Variants in PSMA8 observed in about 807,000 individuals in gnomAD.
PSMA8 encodes the protein proteasome 20S subunit alpha 8, also known as proteasome subunit alpha-type 8.
In PSMA8, 18 loss-of-function variants were observed where a neutral mutation model predicts 32.4. The observed-to-expected ratio is 0.56, with a 90% CI of 0.38 to 0.82. The LOEUF is 0.82. PSMA8 is among the 40% of genes least tolerant of loss of function. The pLI, the probability that PSMA8 is intolerant of heterozygous loss-of-function variation, is 0.00. For missense variants in PSMA8, 298 were observed against 300.7 expected (o/e 0.99, Z 0.07); for synonymous variants, 104 against 98.1 (o/e 1.06, Z -0.36).
chr18:26,174,595 G>A (rs565012444), intron 4 of PSMA8, among the ~76,000 whole-genome samples: 1 of 152,282 alleles, frequency 6.6e-6, no homozygotes, highest in Admixed American at 6.5e-5. Context: ...AGACCCACCT[G>A]CATAGACTTA....
At chr18:26,163,213 GTATATATATATA>G (rs58945617) in intron 4 of PSMA8, among the ~76,000 whole-genome samples, 6,163 of 80,750 alleles carry the variant, frequency 0.076, 353 homozygotes, top group African/African-American at 0.1. Context: ...ATGTGTGTGT[GTATATATATATA>G]TATATATATA....
At chr18:26,143,191 G>A (rs567003626) in intron 1 of PSMA8, among the ~76,000 whole-genome samples, 121 of 152,138 alleles carry the variant, frequency 8.0e-4, no homozygotes, top group African/African-American at 2.7e-3. Context: ...GATTCCCACC[G>A]AAGGCCACTC....
intron 6 of PSMA8, among the ~76,000 whole-genome samples, chr18:26,188,536 G>A (rs2055375363): frequency 6.6e-6 from 1 of 152,030 alleles, no homozygotes; most frequent in African/African-American, 2.4e-5. Context: ...AAGAGCCAAA[G>A]CTGCCCTAAG....
intron 4 of PSMA8, among the ~76,000 whole-genome samples, chr18:26,166,020 T>G (rs1397694047): frequency 6.6e-6 from 1 of 152,048 alleles, no homozygotes; most frequent in Non-Finnish European, 1.5e-5. Context: ...GAGAATTGCT[T>G]GAACCCAGGA....
chr18:26,189,046 G>A (rs948615013), intron 6 of PSMA8, among the ~76,000 whole-genome samples: 1 of 152,098 alleles, frequency 6.6e-6, no homozygotes, highest in Non-Finnish European at 1.5e-5. Context: ...ACAAAGTGAG[G>A]TGACAGCCCA....
intron 4 of PSMA8, among the ~76,000 whole-genome samples, chr18:26,176,723 G>A (rs554422616): frequency 4.0e-5 from 6 of 151,882 alleles, no homozygotes; most frequent in East Asian, 1.9e-4. Context: ...ACCTGAAGTC[G>A]GGAGTTTGAG....
At chr18:26,152,304 GTTTTGTT>G (rs1233855403) in intron 3 of PSMA8, among the ~76,000 whole-genome samples, 6 of 151,702 alleles carry the variant, frequency 4.0e-5, no homozygotes, top group Non-Finnish European at 8.8e-5. Flanking sequence ...TACCTTTTTT[GTTTTGTT>G]TTTTGTTTTT....
intron 2 of PSMA8, among the ~76,000 whole-genome samples, chr18:26,148,336 C>T (rs9952498): frequency 0.26 from 38,884 of 151,766 alleles, 8,806 homozygotes; most frequent in African/African-American, 0.61. Context: ...TTGGATCTAT[C>T]CCTGGAGTGC....
At chr18:26,164,973 A>G (rs1424767605) in intron 4 of PSMA8, among the ~76,000 whole-genome samples, 5 of 151,966 alleles carry the variant, frequency 3.3e-5, no homozygotes, top group South Asian at 2.1e-4. Context: ...GCTGGAGTGC[A>G]ATGGTACCAT....
At chr18:26,192,101 T>C (rs2055408186) in intron 6 of PSMA8, among the ~76,000 whole-genome samples, 1 of 152,206 alleles carries the variant, frequency 6.6e-6, no homozygotes, top group Non-Finnish European at 1.5e-5. Flanking sequence ...TGCTTTCTTT[T>C]TTAGCACAGT....
chr18:26,185,264 C>G lies in PSMA8; in HGVS notation c.660+6134C>G, dbSNP rs144444020. 6.0e-4 allele frequency among the ~76,000 whole-genome samples: 91 copies of G among 150,484 alleles called. 2 individuals carry two copies. Among genetic ancestry groups the G allele is most frequent in the Admixed American group, 1.5e-3 (22 of 15,130 alleles). ...ATAAGTTAAAACAAAAAAACTCCAA[C>G]TCATAGTGACTTAAAGAACAAGAAA... On this transcript the variant is annotated intron_variant, in intron 6 of 6. Coordinates refer to ENST00000415576, the MANE Select transcript of PSMA8 (RefSeq NM_001025096.2).
At chr18:26,181,391 T>C (rs1055189753) in intron 6 of PSMA8, among the ~76,000 whole-genome samples, 6 of 152,056 alleles carry the variant, frequency 3.9e-5, no homozygotes, top group Non-Finnish European at 8.8e-5. Flanking sequence ...TGTCTCTCCC[T>C]CTCCTCAGGC....
At chr18:26,134,365 C>G (rs7230694) in intron 1 of PSMA8, among the ~76,000 whole-genome samples, 69 of 121,684 alleles carry the variant, frequency 5.7e-4, no homozygotes, top group African/African-American at 1.6e-3. Context: ...GTGTGTGTGT[C>G]TCTGTGTGTG....
intron 6 of PSMA8, 97 bp downstream of exon 6, chr18:26,179,227 A>G (rs903748871): frequency 3.2e-5 from 25 of 792,210 alleles, no homozygotes; most frequent in Non-Finnish European, 5.1e-5. Flanking sequence ...ATATAATGTT[A>G]TCCTTCATTA....
chr18:26,136,110 T>A (rs1362466801), intron 1 of PSMA8, among the ~76,000 whole-genome samples: 2 of 152,206 alleles, frequency 1.3e-5, no homozygotes, highest in East Asian at 3.8e-4. Context: ...ATAAAAATTA[T>A]ATGGGCCACA....
At chr18:26,159,591 C>T (rs1198377957) in intron 4 of PSMA8, among the ~76,000 whole-genome samples, 1 of 151,926 alleles carries the variant, frequency 6.6e-6, no homozygotes, top group African/African-American at 2.4e-5. Context: ...CCCTTTGTTT[C>T]TATATCGTAA....
chr18:26,144,646 A>C lies in PSMA8; in HGVS notation c.190A>C (p.Ile64Leu), dbSNP rs1432718849. ...TCAAGATGAAAGAACTGTGAGGAAA[A>C]TTTGTGCCCTTGATGACCATGTCTG... ...KLQDERTVRKICALDDHVCMA... is the reference protein window; with the variant it reads ...KLQDERTVRKLCALDDHVCMA... The change falls in exon 2 of 7, where the codon ATT becomes CTT. Residue 64 changes from isoleucine to leucine, a missense_variant. By Grantham distance (5) the Ile-to-Leu change is conservative (BLOSUM62 2). Coordinates refer to ENST00000415576, the MANE Select transcript of PSMA8 (RefSeq NM_001025096.2). 1 of 1,613,830 alleles carries C rather than the reference A, an allele frequency of 6.2e-7. No homozygotes were observed. Among genetic ancestry groups the C allele is most frequent in the Non-Finnish European group, 8.5e-7 (1 of 1,179,912 alleles).
At chr18:26,148,314 A>C (rs760138694) in intron 2 of PSMA8, among the ~76,000 whole-genome samples, 1 of 152,098 alleles carries the variant, frequency 6.6e-6, no homozygotes, top group Non-Finnish European at 1.5e-5. Context: ...ATAATAATAC[A>C]TCATGACCAA....
intron 4 of PSMA8, among the ~76,000 whole-genome samples, chr18:26,168,503 T>A (rs1235023171): frequency 8.0e-6 from 1 of 124,774 alleles, no homozygotes; most frequent in African/African-American, 4.2e-5. Context: ...TTTTTTTTTT[T>A]TTTTTTTACT....
Sources: allele counts gnomAD v4.1 joint callset (sites outside exome capture counted in the v4.1 genomes callset), GRCh38; gene constraint gnomAD v4.1.1; transcripts MANE v1.5; gene names NCBI Gene and HGNC (gene_info 2026-07-23, HGNC 2026-07-21).